The following TMEM41B variants were observed in gnomAD, a reference collection of about 807,000 sequenced individuals.
TMEM41B encodes protein stasimon.
A neutral mutation model predicts 31.9 loss-of-function variants in TMEM41B; 18 were observed. The ratio of observed to expected loss-of-function variants is 0.56; its 90% CI spans 0.39 to 0.84. The LOEUF is 0.84. Among genes scored for constraint, TMEM41B ranks in the 40% least tolerant of loss-of-function variants. The pLI, the probability that TMEM41B is intolerant of heterozygous loss-of-function variation, is 0.00. For missense variants in TMEM41B, 322 were observed against 348.0 expected (o/e 0.93, Z 0.59); for synonymous variants, 144 against 124.3 (o/e 1.16, Z -1.05).
intron 2 of TMEM41B, among the ~76,000 whole-genome samples, chr11:9,296,286 G>C (rs143230249): frequency 6.6e-6 from 1 of 152,204 alleles, no homozygotes; most frequent in East Asian, 1.9e-4. Context: ...AAGGGTTAAA[G>C]GCATTTGTTC....
At chr11:9,287,654 T>C (rs755489354) in intron 5 of TMEM41B, 48 bp downstream of exon 5, 1 of 1,356,432 alleles carries the variant, frequency 7.4e-7, no homozygotes, top group East Asian at 2.3e-5. Flanking sequence ...ACACAGACCT[T>C]CCAATTAACA....
Position 9,302,300 on chromosome 11 carries a change from G to A in TMEM41B, c.122-2599C>T, listed in dbSNP as rs532530128. Among the ~76,000 whole-genome samples, 12 of 100,032 alleles carry A rather than the reference G, an allele frequency of 1.2e-4. 2 individuals carry two copies. In the South Asian group the frequency reaches 2.8e-3, roughly 23 times the overall value. The allele number at this position is 100,032 out of a possible 152,430, so 65.6% of individuals were successfully genotyped here. On this transcript the variant is annotated intron_variant, in intron 1 of 6. Transcript: ENST00000528080. ...TGGGATTACAGGCGTGAGCCATAGC[G>A]CCCGGCATTATTTTTCTCTTGTTTT...
intron 1 of TMEM41B, among the ~76,000 whole-genome samples, chr11:9,306,615 G>C (rs1853403991): frequency 6.6e-6 from 1 of 152,136 alleles, no homozygotes; most frequent in South Asian, 2.1e-4. Flanking sequence ...TAACCCGGGA[G>C]GCGGAGCTTG....
intron 2 of TMEM41B, among the ~76,000 whole-genome samples, chr11:9,299,302 A>G (rs1298202918): frequency 1.7e-5 from 2 of 119,978 alleles, no homozygotes; most frequent in Non-Finnish European, 3.5e-5. Context: ...AAAAAAAAAA[A>G]AAAGAAAGTA....
intron 3 of TMEM41B, among the ~76,000 whole-genome samples, chr11:9,291,408 T>TA (rs1396045621): frequency 1.3e-5 from 1 of 74,592 alleles, no homozygotes; most frequent in East Asian, 3.3e-4. Flanking sequence ...ATAATAAAAA[T>TA]AAATTTTTTT....
chr11:9,304,973 T>G (rs1401187594), intron 1 of TMEM41B, among the ~76,000 whole-genome samples: 1 of 151,794 alleles, frequency 6.6e-6, no homozygotes, highest in Non-Finnish European at 1.5e-5. Context: ...GGTTTTGTAT[T>G]TAGAGACCAG....
chr11:9,305,207 T>C, intron 1 of TMEM41B, among the ~76,000 whole-genome samples: 1 of 152,228 alleles, frequency 6.6e-6, no homozygotes, highest in Admixed American at 6.5e-5. Context: ...GGGTAATATA[T>C]ATATATAAGT....
chr11:9,286,628 A>G, intron 5 of TMEM41B, 35 bp from the exon 6 acceptor site: 1 of 1,566,190 alleles, frequency 6.4e-7, no homozygotes, highest in Non-Finnish European at 8.6e-7. Context: ...GCATCAGATG[A>G]GGACAACTTC....
At chr11:9,306,068 T>A (rs1468109016) in intron 1 of TMEM41B, among the ~76,000 whole-genome samples, 6 of 141,712 alleles carry the variant, frequency 4.2e-5, no homozygotes, top group African/African-American at 1.6e-4. Flanking sequence ...AACCTCCACC[T>A]CCTGGGTTCA....
intron 1 of TMEM41B, among the ~76,000 whole-genome samples, chr11:9,300,590 T>C (rs1016116137): frequency 4.1e-4 from 63 of 151,960 alleles, no homozygotes; most frequent in African/African-American, 1.5e-3. Context: ...AAAAATTATA[T>C]GAACGAGGCC....
Position 9,283,276 on chromosome 11 carries a change from A to C in TMEM41B, c.*148T>G. 1.6e-6 allele frequency: 1 copy of C among 631,114 alleles called. No individual in the cohort carries two copies. Among genetic ancestry groups the C allele is most frequent in the East Asian group, 2.9e-5 (1 of 34,004 alleles). 39.1% of individuals were successfully genotyped at this position (631,114 alleles called of 1,614,324 possible). On this transcript the variant is annotated 3_prime_UTR_variant, in exon 7 of 7. Coordinates refer to ENST00000528080, the MANE Select transcript of TMEM41B (RefSeq NM_015012.4). ...TTACTTTCTTCTCCCCTTGTCACTT[A>C]AATGTATTACTTTAACTATCTGATA... is the stretch of plus-strand genomic sequence containing the variant.
chr11:9,288,324 T>C, intron 4 of TMEM41B, 118 bp downstream of exon 4: 2 of 688,464 alleles, frequency 2.9e-6, no homozygotes, highest in Non-Finnish European at 4.6e-6. Flanking sequence ...ACTTTAACAT[T>C]AACTCCTCTT....
chr11:9,298,751 T>TA (rs1448206107), intron 2 of TMEM41B, among the ~76,000 whole-genome samples: 2 of 146,610 alleles, frequency 1.4e-5, no homozygotes, highest in African/African-American at 5.0e-5. Context: ...GCCTGGGCGA[T>TA]AGAGTGAAAC....
At chr11:9,299,325 T>TACACACACACACACACAC (rs139794462) in intron 2 of TMEM41B, among the ~76,000 whole-genome samples, 4,490 of 123,090 alleles carry the variant, frequency 0.036, 126 homozygotes, top group South Asian at 0.065. Flanking sequence ...TATACATACA[T>TACACACACACACACACAC]ACACACACAC....
At chr11:9,299,746 A>G (rs754079130) in intron 1 of TMEM41B, 45 bp from the exon 2 acceptor site, 5 of 1,312,594 alleles carry the variant, frequency 3.8e-6, no homozygotes, top group African/African-American at 3.0e-5. Context: ...ATAAAGGAAG[A>G]CATGCTAGCA....
At chr11:9,288,050 C>G (rs878897402) in intron 4 of TMEM41B, 1 of 480,816 alleles carries the variant, frequency 2.1e-6, no homozygotes, top group Admixed American at 4.1e-5. Context: ...ATAATTAATG[C>G]TAGGCTTTAG....
At chr11:9,305,241 TCAAAG>T (rs1444353629) in intron 1 of TMEM41B, among the ~76,000 whole-genome samples, 1 of 152,150 alleles carries the variant, frequency 6.6e-6, no homozygotes, top group Admixed American at 6.6e-5. Context: ...TAGGCTGACA[TCAAAG>T]CAAAGACACA....
At position 9,299,358 on chromosome 11, in the gene TMEM41B, A is replaced by G. The variant is rs190274400; in HGVS notation, c.239+226T>C. Among the ~76,000 whole-genome samples the G allele has an allele frequency of 5.6e-3, 783 of 139,954 alleles. 9 individuals carry two copies. Among genetic ancestry groups the G allele is most frequent in the Non-Finnish European group, 9.8e-3 (632 of 64,772 alleles). 91.8% of individuals were successfully genotyped at this position (139,954 alleles called of 152,430 possible). A position where few individuals can be genotyped will look rare whatever the true frequency, so the allele number is the denominator to read the frequency against. On this transcript the variant is annotated intron_variant, in intron 2 of 6. Transcript: ENST00000528080. ...CACACACACACACGTGTGTGTATAT[A>G]AATATATTAAATATACATATACACA...
intron 3 of TMEM41B, among the ~76,000 whole-genome samples, chr11:9,289,552 G>T (rs572050078): frequency 2.0e-5 from 3 of 152,016 alleles, no homozygotes; most frequent in Admixed American, 6.6e-5. Context: ...TTCACAGGAT[G>T]CCTCCTCTAC....
Sources: gnomAD v4.1 joint callset for allele counts (sites outside exome capture counted in the v4.1 genomes callset) on GRCh38, gnomAD v4.1.1 for gene constraint, MANE v1.5 for transcripts, NCBI Gene and HGNC (gene_info 2026-07-23, HGNC 2026-07-21) for gene names.